The following CTBP2 variants were observed in gnomAD, a reference collection of about 807,000 sequenced individuals.
The protein encoded by CTBP2 is C-terminal-binding protein 2.
CTBP2 carries 30 observed loss-of-function variants against 80.3 expected under a neutral mutation model. The ratio of observed to expected loss-of-function variants is 0.37; its 90% CI spans 0.28 to 0.51. The LOEUF is 0.51. Ranked by LOEUF, CTBP2 falls within the 20% of genes least tolerant of loss-of-function variation. The pLI is 0.93. For synonymous variants in CTBP2, 594 were observed against 587.4 expected (o/e 1.01, Z -0.16); for missense variants, 1,212 against 1,375.3 (o/e 0.88, Z 1.88).
At chr10:125,112,869 A>AT (rs1193751912) in intron 1 of CTBP2, among the ~76,000 whole-genome samples, 2 of 152,236 alleles carry the variant, frequency 1.3e-5, no homozygotes, top group East Asian at 3.8e-4. Flanking sequence ...CTGCATGATT[A>AT]TGTAGCAAGT....
intron 3 of CTBP2, chr10:125,001,104 C>T (rs1407881236): frequency 6.6e-6 from 1 of 152,288 alleles, no homozygotes; most frequent in Non-Finnish European, 1.5e-5. Context: ...TCCCAGGCCC[C>T]CTGTCATTGA....
At position 124,987,255 on chromosome 10, in the gene CTBP2, ACT is replaced by A. The variant is rs1281267369; in HGVS notation, c.*2261_*2262del. On this transcript the variant is annotated 3_prime_UTR_variant, in exon 9 of 9. Transcript: ENST00000309035. ...GCTAGGTGACAGACATTAATGACTG[ACT>A]CTGGAGAGTAAGTCATACCTGCACT... 6.6e-6 allele frequency: 1 copy of A among 152,478 alleles called. No individual in the cohort carries two copies. Among genetic ancestry groups the A allele is most frequent in the African/African-American group, 2.4e-5 (1 of 41,390 alleles). The allele number at this position is 152,478 out of a possible 1,614,324, so 9.4% of individuals were successfully genotyped here. A position where few individuals can be genotyped will look rare whatever the true frequency, so the allele number is the denominator to read the frequency against.
At chr10:125,014,949 G>C (rs2134460475) in intron 1 of CTBP2, among the ~76,000 whole-genome samples, 1 of 152,186 alleles carries the variant, frequency 6.6e-6, no homozygotes, top group East Asian at 1.9e-4. Context: ...ACCAAGAAAA[G>C]TGAGCGTTCG....
At chr10:125,088,249 C>T (rs578006926) in intron 2 of CTBP2, 9 of 152,230 alleles carry the variant, frequency 5.9e-5, no homozygotes, top group African/African-American at 1.7e-4. Context: ...GCACTGCAGT[C>T]GGCAGGAGTA....
At chr10:125,071,911 C>T (rs188060126) in intron 2 of CTBP2, among the ~76,000 whole-genome samples, 8 of 152,110 alleles carry the variant, frequency 5.3e-5, no homozygotes, top group East Asian at 1.9e-4. Flanking sequence ...GGGAATGGGC[C>T]GGAACAGTCA....
intron 1 of CTBP2, among the ~76,000 whole-genome samples, chr10:125,118,959 G>A (rs1853843191): frequency 6.6e-6 from 1 of 152,228 alleles, no homozygotes; most frequent in African/African-American, 2.4e-5. Flanking sequence ...GCCAGAAGGA[G>A]CGGACATAGG....
At chr10:125,001,019 A>G (rs987009351) in intron 3 of CTBP2, 1 of 152,244 alleles carries the variant, frequency 6.6e-6, no homozygotes, top group Non-Finnish European at 1.5e-5. Context: ...TACATTTTCC[A>G]AAACCGCAGT....
intron 2 of CTBP2, among the ~76,000 whole-genome samples, chr10:125,107,787 T>G (rs1348575871): frequency 6.6e-6 from 1 of 152,192 alleles, no homozygotes; most frequent in Non-Finnish European, 1.5e-5. Context: ...CCTGGAGATC[T>G]GTCAAAATAC....
At chr10:125,025,792 AAC>A (rs762558746) in intron 1 of CTBP2, among the ~76,000 whole-genome samples, 29 of 152,224 alleles carry the variant, frequency 1.9e-4, no homozygotes, top group African/African-American at 6.5e-4. Context: ...TTCTCCAAGA[AAC>A]ACAGTTGAGT....
rs547776418 is a variant in CTBP2 at position 125,066,875 on chromosome 10, G to A, written c.-101-27720C>T. 1.3e-5 allele frequency among the ~76,000 whole-genome samples: 2 copies of A among 152,262 alleles called. No homozygotes were observed. The highest frequency in any genetic ancestry group is 1.9e-4 in the East Asian group (1 of 5,186). On this transcript the variant is annotated intron_variant, in intron 2 of 10. Coordinates refer to the CTBP2 transcript ENST00000337195. The surrounding 1 kb of genome is among the most constrained non-coding windows in gnomAD (Gnocchi z 4.1). ...GTCTCCAGGGAAGCCCAGTGTGTGC[G>A]ACGTGCCTCTTCCTATCTCCCCTGG...
intron 1 of CTBP2, among the ~76,000 whole-genome samples, chr10:125,014,755 A>G (rs1301732768): frequency 6.6e-6 from 1 of 152,200 alleles, no homozygotes; most frequent in Non-Finnish European, 1.5e-5. Context: ...GAGTTTGGGG[A>G]GCTGAGTTTC....
At chr10:125,150,561 C>T (rs920595013) in intron 1 of CTBP2, among the ~76,000 whole-genome samples, 15 of 151,990 alleles carry the variant, frequency 9.9e-5, no homozygotes, top group African/African-American at 3.4e-4. Flanking sequence ...CAGAGCCAGG[C>T]GAAGTTGGTA....
chr10:125,012,278 C>G (rs1467773688), intron 1 of CTBP2, among the ~76,000 whole-genome samples: 1 of 152,168 alleles, frequency 6.6e-6, no homozygotes, highest in Non-Finnish European at 1.5e-5. Flanking sequence ...GCCTGAGGAG[C>G]AAGGAATAAG....
At chr10:125,150,254 C>A (rs1859584441) in intron 1 of CTBP2, among the ~76,000 whole-genome samples, 1 of 152,186 alleles carries the variant, frequency 6.6e-6, no homozygotes, top group South Asian at 2.1e-4. Flanking sequence ...TCACACTATC[C>A]CAGACCACAA....
Position 125,005,818 on chromosome 10 carries a change from G to A in CTBP2, c.1679-2326C>T, listed in dbSNP as rs377616232. 9.2e-4 allele frequency: 1,485 copies of A among 1,608,456 alleles called. 1 individual carries two copies. The highest frequency in any genetic ancestry group is 1.5e-3 in the South Asian group (135 of 90,816). ...GAAGTCCTGGTCTCATGCCCCAGGC[G>A]GTCGCCCACACACAGTGAGGAACAC... On this transcript the variant is annotated intron_variant, in intron 1 of 8. Coordinates refer to ENST00000309035, the MANE Select transcript of CTBP2 (RefSeq NM_022802.3).
chr10:125,053,734 G>A (rs967147921), intron 2 of CTBP2, among the ~76,000 whole-genome samples: 3 of 152,170 alleles, frequency 2.0e-5, no homozygotes, highest in East Asian at 3.8e-4. Context: ...GCCCAGAGCC[G>A]AAGGTGTAGA....
Position 125,055,048 on chromosome 10 carries a change from C to T in CTBP2, c.-101-15893G>A, listed in dbSNP as rs528172202. Among the ~76,000 whole-genome samples the T allele has an allele frequency of 7.2e-5, 11 of 152,288 alleles. No individual in the cohort carries two copies. In the East Asian group the frequency reaches 2.1e-3, roughly 29 times the overall value. ...CTCTGACTCACGCACACCCATAAAT[C>T]TGGGGAACATTAAAAAGATCTATCA... On this transcript the variant is annotated intron_variant, in intron 2 of 10. Transcript: ENST00000337195.
chr10:125,036,282 C>T (rs1031698370), intron 3 of CTBP2, among the ~76,000 whole-genome samples: 5 of 152,102 alleles, frequency 3.3e-5, no homozygotes, highest in African/African-American at 4.8e-5. Context: ...CAGATTCCAG[C>T]GGAGTACCTG....
At chr10:125,095,032 T>C (rs1171280251) in intron 2 of CTBP2, among the ~76,000 whole-genome samples, 1 of 152,018 alleles carries the variant, frequency 6.6e-6, no homozygotes, top group African/African-American at 2.4e-5. Context: ...CTGCGGATGC[T>C]GATTCAGAAG....
Sources: gnomAD v4.1 joint callset for allele counts (sites outside exome capture counted in the v4.1 genomes callset) on GRCh38, gnomAD v4.1.1 for gene constraint, Gnocchi (gnomAD v3.1) non-coding constraint, MANE v1.5 for transcripts, NCBI Gene and HGNC (gene_info 2026-07-23, HGNC 2026-07-21) for gene names.